MTA3: variants seen among roughly 807,000 people sequenced by gnomAD.
The protein encoded by MTA3 is metastasis-associated protein MTA3.
MTA3 carries 34 observed loss-of-function variants against 83.5 expected under a neutral mutation model. That is an observed-to-expected ratio of 0.41 (90% confidence interval 0.31 to 0.54). The LOEUF is 0.54. Among genes scored for constraint, MTA3 ranks in the 20% least tolerant of loss-of-function variants. The pLI is 0.33. For synonymous variants in MTA3, 303 were observed against 252.7 expected, an observed-to-expected ratio of 1.20 and a Z score of -1.89; for missense variants, 761 against 726.4, an observed-to-expected ratio of 1.05 and a Z score of -0.55.
intron 4 of MTA3, among the ~76,000 whole-genome samples, chr2:42,610,519 G>T (rs1684061156): frequency 6.6e-6 from 1 of 152,126 alleles, no homozygotes; most frequent in Non-Finnish European, 1.5e-5. Flanking sequence ...AAAACAAAAA[G>T]TGAAAAAACC....
At chr2:42,705,039 A>G (rs572291853) in intron 12 of MTA3, among the ~76,000 whole-genome samples, 1 of 152,140 alleles carries the variant, frequency 6.6e-6, no homozygotes, top group South Asian at 2.1e-4. Context: ...TTTATTGAAA[A>G]CCTACTTGGT....
At chr2:42,568,866 G>A in intron 1 of MTA3, 93 bp downstream of exon 1, 1 of 1,170,634 alleles carries the variant, frequency 8.5e-7, no homozygotes, top group East Asian at 3.5e-5. Flanking sequence ...GGAGCCAAGG[G>A]CGCCGGGGCT....
intron 2 of MTA3, among the ~76,000 whole-genome samples, chr2:42,548,828 TA>T (rs1303060536): frequency 3.7e-4 from 6 of 16,108 alleles, no homozygotes; most frequent in Non-Finnish European, 5.7e-4. Context: ...TATATATATA[TA>T]ATATATATAT....
intron 2 of MTA3, among the ~76,000 whole-genome samples, chr2:42,510,219 G>A (rs903630493): frequency 1.3e-5 from 2 of 151,780 alleles, no homozygotes; most frequent in South Asian, 2.1e-4. Flanking sequence ...CCAGCTACTC[G>A]GGAGGGTGAG....
chr2:42,664,639 T>C (rs1343765553), intron 8 of MTA3, among the ~76,000 whole-genome samples: 1 of 152,026 alleles, frequency 6.6e-6, no homozygotes, highest in Non-Finnish European at 1.5e-5. Context: ...CCGCCACCAC[T>C]GCCGACTAAT....
rs568935398 is a variant in MTA3, at chr2:42,626,220, G to C, written c.318-13953G>C. ...GGCCTCCCAAAGTGCTGGGATTACAGGCGTGAACCACCGTGCCCGGCCATA... is the reference window on the plus strand; with the variant it reads ...GGCCTCCCAAAGTGCTGGGATTACACGCGTGAACCACCGTGCCCGGCCATA... On this transcript the variant is annotated intron_variant, in intron 4 of 16. Transcript: ENST00000405094. Among the ~76,000 whole-genome samples, 4 of 150,430 alleles carry C rather than the reference G, an allele frequency of 2.7e-5. No homozygotes were observed. The East Asian group carries it at 7.8e-4, about 29-fold the overall frequency.
chr2:42,501,586 C>A (rs1193824521), intron 2 of MTA3, among the ~76,000 whole-genome samples: 1 of 152,162 alleles, frequency 6.6e-6, no homozygotes, highest in South Asian at 2.1e-4. Flanking sequence ...CTACCCAATG[C>A]AGTAAAGTCA....
intron 4 of MTA3, among the ~76,000 whole-genome samples, chr2:42,617,416 A>T (rs1023390162): frequency 6.6e-6 from 1 of 152,338 alleles, no homozygotes; most frequent in East Asian, 1.9e-4. Context: ...ATATCAAAAA[A>T]TGTTTTGATA....
intron 3 of MTA3, among the ~76,000 whole-genome samples, chr2:42,586,513 C>CACACACAA (rs754878356): frequency 2.3e-5 from 3 of 131,748 alleles, no homozygotes; most frequent in African/African-American, 8.3e-5. Flanking sequence ...CACACACACA[C>CACACACAA]AAACACACAA....
At chr2:42,742,207 C>T (rs1039316972) in intron 16 of MTA3, among the ~76,000 whole-genome samples, 1 of 151,170 alleles carries the variant, frequency 6.6e-6, no homozygotes, top group African/African-American at 2.4e-5. Flanking sequence ...GGCATGATCT[C>T]AGCTCACTGC....
chr2:42,575,789 C>T (rs1678974201), intron 2 of MTA3, among the ~76,000 whole-genome samples: 1 of 152,190 alleles, frequency 6.6e-6, no homozygotes. Context: ...TTGGGTTGCA[C>T]ATCTAGGTGA....
At chr2:42,642,091 T>A (rs1332413658) in intron 5 of MTA3, among the ~76,000 whole-genome samples, 1 of 152,212 alleles carries the variant, frequency 6.6e-6, no homozygotes, top group Non-Finnish European at 1.5e-5. Context: ...ACTTTTTAAT[T>A]ATCATCCTTT....
intron 3 of MTA3, among the ~76,000 whole-genome samples, chr2:42,596,827 T>A (rs1165718005): frequency 3.3e-5 from 5 of 150,062 alleles, no homozygotes; most frequent in Non-Finnish European, 7.4e-5. Context: ...AAATCCTTAA[T>A]TTTTTTTTTG....
At chr2:42,658,597 G>A (rs1689390612) in intron 7 of MTA3, among the ~76,000 whole-genome samples, 1 of 152,156 alleles carries the variant, frequency 6.6e-6, no homozygotes, top group Admixed American at 6.6e-5. Flanking sequence ...AAACTAATCT[G>A]TGGTGCTATA....
intron 2 of MTA3, among the ~76,000 whole-genome samples, chr2:42,562,584 T>A (rs894805094): frequency 6.6e-6 from 1 of 152,206 alleles, no homozygotes; most frequent in African/African-American, 2.4e-5. Context: ...GTGGCTTATG[T>A]GGCTCTGCCC....
rs113912244 is a variant in MTA3 at position 42,697,382 on chromosome 2, CAGAGAGAGAG to C, written c.967-385_967-376del. 1.3e-5 allele frequency among the ~76,000 whole-genome samples: 2 copies of C among 149,544 alleles called. 1 individual carries two copies. Among genetic ancestry groups the C allele is most frequent in the South Asian group, 4.2e-4 (2 of 4,774 alleles). ...TAATCTCTGAATATTTTTCTAAAAG[CAGAGAGAGAG>C]AGAGAGAGTGAGAGTGTGTGTGTTT... On this transcript the variant is annotated intron_variant, in intron 10 of 16. Transcript: ENST00000405094.
intron 8 of MTA3, among the ~76,000 whole-genome samples, chr2:42,660,623 C>T (rs567652820): frequency 6.6e-6 from 1 of 152,170 alleles, no homozygotes; most frequent in Non-Finnish European, 1.5e-5. Flanking sequence ...TCCTGTTACC[C>T]CTTGTGATAG....
At chr2:42,588,478 G>A (rs776814888) in intron 3 of MTA3, among the ~76,000 whole-genome samples, 16 of 152,096 alleles carry the variant, frequency 1.1e-4, no homozygotes, top group Non-Finnish European at 2.2e-4. Context: ...GACAATAAAG[G>A]ATTTTTAATG....
chr2:42,596,840 G>A (rs1320407465), intron 3 of MTA3, among the ~76,000 whole-genome samples: 1 of 151,286 alleles, frequency 6.6e-6, no homozygotes, highest in African/African-American at 2.4e-5. Context: ...TTTTTTTGCT[G>A]TCTGTGGACT....
Sources: gnomAD v4.1 joint callset for allele counts (sites outside exome capture counted in the v4.1 genomes callset) on GRCh38, gnomAD v4.1.1 for gene constraint, MANE v1.5 for transcripts, NCBI Gene and HGNC (gene_info 2026-07-23, HGNC 2026-07-21) for gene names.